DNAH14: variants seen among roughly 807,000 people sequenced by gnomAD.
DNAH14 encodes the protein axonemal beta dynein heavy chain 14.
Under a neutral mutation model 520.9 loss-of-function variants are expected in DNAH14, and 478 were observed. The ratio of observed to expected loss-of-function variants is 0.92; its 90% CI spans 0.85 to 0.99. The LOEUF (loss-of-function observed/expected upper bound fraction) is 0.99. Ranked by LOEUF, DNAH14 falls within the 50% of genes least tolerant of loss-of-function variation. The pLI is 0.00. For missense variants in DNAH14, 4,831 were observed against 5,234.5 expected (o/e 0.92, Z 2.38); for synonymous variants, 1,581 against 1,757.2 (o/e 0.90, Z 2.51).
rs908338970 is a variant in DNAH14, at chr1:225,264,274, G to A, written c.7222+13G>A. ...ACTGGAAGTTCAGGTATATATTATA[G>A]TACAGTTTCAAAGCTATGCTATGTT... On this transcript the variant is annotated intron_variant, in intron 47 of 85. Coordinates refer to ENST00000682510, the MANE Select transcript of DNAH14 (RefSeq NM_001367479.1). 1.3e-5 allele frequency: 20 copies of A among 1,540,458 alleles called. No homozygotes were observed. Among genetic ancestry groups the A allele is most frequent in the Non-Finnish European group, 1.8e-5 (20 of 1,138,416 alleles).
intron 11 of DNAH14, among the ~76,000 whole-genome samples, chr1:225,034,130 G>T (rs187320964): frequency 1.4e-4 from 22 of 152,272 alleles, no homozygotes; most frequent in Middle Eastern, 3.4e-3. Flanking sequence ...GGACATCCTT[G>T]TCTTTTGCTG....
intron 41 of DNAH14, among the ~76,000 whole-genome samples, chr1:225,216,269 T>C (rs2089304993): frequency 6.6e-6 from 1 of 150,740 alleles, no homozygotes. Context: ...AGATCCACTG[T>C]TAGTCTGATG....
At chr1:225,122,753 T>C (rs2077398774) in intron 26 of DNAH14, among the ~76,000 whole-genome samples, 1 of 152,182 alleles carries the variant, frequency 6.6e-6, no homozygotes, top group Non-Finnish European at 1.5e-5. Flanking sequence ...AAAGTTGTTA[T>C]TGACATATTT....
chr1:225,055,833 G>T (rs926715364), intron 17 of DNAH14, among the ~76,000 whole-genome samples: 5 of 151,990 alleles, frequency 3.3e-5, no homozygotes, highest in African/African-American at 4.8e-5. Flanking sequence ...ATGGTTTCCA[G>T]CTTCATCCAT....
In DNAH14 at chr1:225,206,056, A is replaced by G; in HGVS notation, c.6063A>G (p.Arg2021=). 7.7e-6 allele frequency: 12 copies of G among 1,551,586 alleles called. No individual in the cohort carries two copies. The highest frequency in any genetic ancestry group is 1.0e-5 in the Non-Finnish European group (12 of 1,146,822). The change falls in exon 40 of 86, where the codon AGA becomes AGG. Residue 2021 remains arginine (R), a synonymous_variant. Transcript: ENST00000682510. ...ENLNSVLDDT[R]TLCLANSERI... ...TGAACTCTGTGCTAGATGATACTAG[A>G]ACATTGTGCCTAGCAAACAGTGAGA...
At chr1:225,334,525 G>A (rs1043048341) in intron 66 of DNAH14, among the ~76,000 whole-genome samples, 1 of 151,992 alleles carries the variant, frequency 6.6e-6, no homozygotes, top group Non-Finnish European at 1.5e-5. Context: ...GTCTTGCTTT[G>A]TTACACGAAG....
At chr1:225,331,604 C>G (rs988854606) in intron 65 of DNAH14, 27 bp downstream of exon 65, 3 of 1,550,812 alleles carry the variant, frequency 1.9e-6, no homozygotes, top group Non-Finnish European at 2.6e-6. Flanking sequence ...TCTTATATCT[C>G]GTCCATAATT....
chr1:224,945,184 G>T (rs565635435), intron 1 of DNAH14, among the ~76,000 whole-genome samples: 1 of 152,010 alleles, frequency 6.6e-6, no homozygotes, highest in Non-Finnish European at 1.5e-5. Context: ...TGGAATCTTT[G>T]TTCATTTCTT....
At chr1:225,092,130 A>G (rs1007239423) in intron 21 of DNAH14, among the ~76,000 whole-genome samples, 2 of 152,178 alleles carry the variant, frequency 1.3e-5, no homozygotes, top group African/African-American at 4.8e-5. Flanking sequence ...TAGTGAGAGA[A>G]TTCAATGCCC....
chr1:225,097,277 T>C (rs1573042098), intron 22 of DNAH14, 38 bp downstream of exon 22: 2 of 1,489,080 alleles, frequency 1.3e-6, no homozygotes, highest in East Asian at 2.5e-5. Flanking sequence ...AGGTTCAAAA[T>C]GCATTGTGAG....
At chr1:225,266,564 A>C in intron 48 of DNAH14, 77 bp from the exon 49 acceptor site, 83 of 1,160,636 alleles carry the variant, frequency 7.2e-5, no homozygotes, top group Non-Finnish European at 8.4e-5. Context: ...TGCTTACCCC[A>C]ACCATAATAT....
chr1:225,186,114 A>G (rs1442911177), intron 37 of DNAH14, among the ~76,000 whole-genome samples: 1 of 151,828 alleles, frequency 6.6e-6, no homozygotes, highest in Non-Finnish European at 1.5e-5. Context: ...TTTATTCAAT[A>G]TAAAGTCAGA....
intron 60 of DNAH14, among the ~76,000 whole-genome samples, chr1:225,318,009 T>C (rs2094496480): frequency 6.6e-6 from 1 of 152,208 alleles, no homozygotes; most frequent in South Asian, 2.1e-4. Flanking sequence ...ATAAATATAA[T>C]TCCCAAGTCA....
At position 225,159,471 on chromosome 1, in the gene DNAH14, C is replaced by A; in HGVS notation, c.5431C>A (p.Gln1811Lys). ...FPEVTVLKVN[Q>K]LALEKVIYTA... is the part of the protein sequence containing the mutation. The stretch of plus-strand genomic sequence containing the variant: ...AGAAGTGACAGTTTTGAAAGTAAAT[C>A]AACTTGCCTTGGAGGTAAAAAGACC... The change falls in exon 35 of 86, where the codon CAA becomes AAA. Residue 1811 changes from glutamine to lysine, a missense_variant. Transcript: ENST00000682510. 1 of 1,531,224 alleles carries A rather than the reference C, an allele frequency of 6.5e-7. No homozygotes were observed. The highest frequency in any genetic ancestry group is 1.3e-5 in the South Asian group (1 of 79,670). The allele number at this position is 1,531,224 out of a possible 1,614,324, so 94.9% of individuals were successfully genotyped here.
chr1:225,031,994 C>CA (rs988071413), intron 11 of DNAH14, among the ~76,000 whole-genome samples: 41 of 151,886 alleles, frequency 2.7e-4, no homozygotes, highest in African/African-American at 9.9e-4. Flanking sequence ...AACTTTATGT[C>CA]ACCATGATTT....
At chr1:225,025,333 A>AATATAT (rs10653727) in intron 11 of DNAH14, among the ~76,000 whole-genome samples, 25 of 146,918 alleles carry the variant, frequency 1.7e-4, no homozygotes, top group Admixed American at 8.2e-4. Context: ...TCTTATCTCA[A>AATATAT]ATATATATAT....
At chr1:224,943,888 A>C (rs972879719) in intron 1 of DNAH14, among the ~76,000 whole-genome samples, 14 of 152,042 alleles carry the variant, frequency 9.2e-5, no homozygotes, top group Non-Finnish European at 1.9e-4. Flanking sequence ...GTTCTTTTAC[A>C]TTTGCTGAGG....
chr1:225,086,990 CCACACACACACACACACACACACA>C (rs57900981), intron 21 of DNAH14, among the ~76,000 whole-genome samples: 2 of 146,786 alleles, frequency 1.4e-5, no homozygotes, highest in African/African-American at 5.1e-5. Context: ...GAAAAGAACA[CCACACACACACACACACACACACA>C]CACACACACA....
intron 8 of DNAH14, among the ~76,000 whole-genome samples, chr1:224,994,112 C>T (rs1009077303): frequency 1.3e-5 from 2 of 151,948 alleles, no homozygotes; most frequent in African/African-American, 4.8e-5. Flanking sequence ...GTGATCTCTC[C>T]TGGAGGGTGT....
Sources: allele counts gnomAD v4.1 joint callset (sites outside exome capture counted in the v4.1 genomes callset), GRCh38; gene constraint gnomAD v4.1.1; transcripts MANE v1.5; gene names NCBI Gene and HGNC (gene_info 2026-07-23, HGNC 2026-07-21).